Variants in MST1R observed in about 807,000 individuals in gnomAD.
MST1R encodes the protein macrophage-stimulating protein receptor.
MST1R carries 99 observed loss-of-function variants against 117.8 expected under a neutral mutation model. The ratio of observed to expected loss-of-function variants is 0.84; its 90% CI spans 0.71 to 0.99. The LOEUF (loss-of-function observed/expected upper bound fraction) is 0.99. Among genes scored for constraint, MST1R ranks in the 50% least tolerant of loss-of-function variants. The probability of loss-of-function intolerance (pLI) is 0.00; values close to 1 mark genes in which losing one functional copy is unlikely to be tolerated. For synonymous variants in MST1R, 734 were observed against 765.3 expected (o/e 0.96, Z 0.68); for missense variants, 1,683 against 1,840.2 (o/e 0.91, Z 1.56).
intron 1 of MST1R, among the ~76,000 whole-genome samples, chr3:49,902,154 G>A (rs3733135): frequency 0.5 from 75,444 of 151,960 alleles, 19,908 homozygotes; most frequent in African/African-American, 0.64. Flanking sequence ...GAAAGAGCAA[G>A]ATGAGGCAGC....
rs1056029726 is a variant in MST1R, at chr3:49,903,829, A to ACGCCCCAGCCGCCTCACCTGC, written c.-241_-221dup. 2.9e-5 allele frequency: 17 copies of ACGCCCCAGCCGCCTCACCTGC among 586,564 alleles called. No individual in the cohort carries two copies. The highest frequency in any genetic ancestry group is 4.0e-5 in the Non-Finnish European group (14 of 351,208). The allele number at this position is 586,564 out of a possible 1,614,324, so 36.3% of individuals were successfully genotyped here. Reference sequence around the variant, plus strand: ...TGACGCCTGCGGACGCACGACAGCAACGCCCCAGCCGCCTCACCTGCCGCC... The same window carrying ACGCCCCAGCCGCCTCACCTGC: ...TGACGCCTGCGGACGCACGACAGCAACGCCCCAGCCGCCTCACCTGCCGCCCCAGCCGCCTCACCTGCCGCC... On this transcript the variant is annotated 5_prime_UTR_variant, in exon 1 of 20. Coordinates refer to ENST00000296474, the MANE Select transcript of MST1R (RefSeq NM_002447.4).
rs1356731794 is a variant in MST1R at position 49,903,000 on chromosome 3, C to G, written c.610G>C (p.Asp204His). Reference sequence around the variant, plus strand: ...CTGAAGCTGGCAGCCACGGCTGCGTCCAGTGAGGATGCCACGTAGAAATAG... The same window carrying G: ...CTGAAGCTGGCAGCCACGGCTGCGTGCAGTGAGGATGCCACGTAGAAATAG... ...ASYFYVASSL[D>H]AAVAASFSPR... Residue 204 changes from aspartate to histidine, a missense_variant, in exon 1 of 20, where the codon GAC becomes CAC. Physicochemically the swap from Asp to His is moderately conservative, Grantham distance 81. Transcript: ENST00000296474. The G allele has an allele frequency of 1.2e-6, 2 of 1,613,082 alleles. No homozygotes were observed. Among genetic ancestry groups the G allele is most frequent in the Non-Finnish European group, 1.7e-6 (2 of 1,180,034 alleles).
chr3:49,902,576 A>G lies in MST1R; in HGVS notation c.1034T>C (p.Val345Ala), dbSNP rs1559484132. The G allele has an allele frequency of 6.2e-7, 1 of 1,613,770 alleles. No homozygotes were observed. Among genetic ancestry groups the G allele is most frequent in the Non-Finnish European group, 8.5e-7 (1 of 1,180,020 alleles). ...GCCAGTCACAAAGACCCCAAATAGT[A>G]CTTCCTGGCCCTCGGCGATGCTCAG... ...TELSIAEGQE[V>A]LFGVFVTGKD... Residue 345 changes from valine to alanine, a missense_variant, in exon 1 of 20, where the codon GTA becomes GCA. Coordinates refer to ENST00000296474, the MANE Select transcript of MST1R (RefSeq NM_002447.4).
At chr3:49,891,934 A>G (rs2082328214) in intron 14 of MST1R, 96 bp from the exon 15 acceptor site, 1 of 880,502 alleles carries the variant, frequency 1.1e-6, no homozygotes, top group Admixed American at 2.2e-5. Flanking sequence ...AGAGCACTAA[A>G]CTGGCCAATC....
intron 19 of MST1R, among the ~76,000 whole-genome samples, chr3:49,889,423 C>T (rs2082249631): frequency 6.6e-6 from 1 of 152,166 alleles, no homozygotes. Flanking sequence ...AGCCACAGCT[C>T]AGGCACACCT....
At chr3:49,899,686 C>T (rs549921321) in intron 1 of MST1R, among the ~76,000 whole-genome samples, 7 of 148,318 alleles carry the variant, frequency 4.7e-5, no homozygotes, top group African/African-American at 1.7e-4. Flanking sequence ...ATTCTCCTGC[C>T]TCAGCCTCCC....
chr3:49,893,905 A>T lies in MST1R; in HGVS notation c.3271+1262T>A, dbSNP rs9815929. ...AAGAGTGAGACTCCCTCTCAAAAAA[A>T]AAAAAAAAATAAAATAAAATAAAAT... On this transcript the variant is annotated intron_variant, in intron 14 of 19. Coordinates refer to ENST00000296474, the MANE Select transcript of MST1R (RefSeq NM_002447.4). 6.4e-3 allele frequency among the ~76,000 whole-genome samples: 954 copies of T among 148,706 alleles called. 6 individuals carry two copies. Among genetic ancestry groups the T allele is most frequent in the African/African-American group, 0.013 (543 of 40,486 alleles).
Position 49,903,185 on chromosome 3 carries a change from C to T in MST1R, c.425G>A (p.Arg142His), listed in dbSNP as rs759008251. ...LVSCGSSLQG[R>H]CFLHDLEPQG... ...GGGCTCTAGGTCATGCAGGAAGCAG[C>T]GGCCCTGCAGGCTGGAGCCACAACT... Residue 142 changes from arginine (R) to histidine (H), a missense_variant, in exon 1 of 20, where the codon CGC becomes CAC. Transcript: ENST00000296474. 23 of 1,605,340 alleles carry T rather than the reference C, an allele frequency of 1.4e-5. 1 individual carries two copies. The Middle Eastern group carries it at 4.9e-4, about 35-fold the overall frequency.
chr3:49,899,694 C>A (rs1249703101), intron 1 of MST1R, among the ~76,000 whole-genome samples: 1 of 151,098 alleles, frequency 6.6e-6, no homozygotes, highest in Non-Finnish European at 1.5e-5. Flanking sequence ...GCCTCAGCCT[C>A]CCGAGTAGCT....
At chr3:49,888,851 A>C (rs1026480664) in intron 19 of MST1R, among the ~76,000 whole-genome samples, 1 of 152,220 alleles carries the variant, frequency 6.6e-6, no homozygotes, top group Admixed American at 6.5e-5. Flanking sequence ...AGAGAGGAGA[A>C]GGGCTGGACT....
rs533003233 is a variant in MST1R, at chr3:49,896,188, C to T, written c.2649+7G>A. ...CAACTGTCCCTGCCCCTATCCCTTA[C>T]ACTTACCTCAAACTTAATGGCATGC... On this transcript the variant is annotated splice_region_variant and intron_variant, in intron 10 of 19. Coordinates refer to ENST00000296474, the MANE Select transcript of MST1R (RefSeq NM_002447.4). 1 of 1,614,204 alleles carries T rather than the reference C, an allele frequency of 6.2e-7. No homozygotes were observed. The highest frequency in any genetic ancestry group is 8.5e-7 in the Non-Finnish European group (1 of 1,180,038).
chr3:49,887,577 G>T lies in MST1R; in HGVS notation c.3948-15C>A. 1 of 1,612,214 alleles carries T rather than the reference G, an allele frequency of 6.2e-7. No homozygotes were observed. The highest frequency in any genetic ancestry group is 1.1e-5 in the South Asian group (1 of 90,838). On this transcript the variant is annotated splice_polypyrimidine_tract_variant and intron_variant, in intron 19 of 19. Transcript: ENST00000296474. ...TCACTTGGTACCTGTTGGGGGAAAGGGATGTCAGGTTAAGGCAATTTCCAC... is the reference window on the plus strand; with the variant it reads ...TCACTTGGTACCTGTTGGGGGAAAGTGATGTCAGGTTAAGGCAATTTCCAC...
chr3:49,888,051 T>C (rs1405041447), intron 19 of MST1R, among the ~76,000 whole-genome samples: 1 of 152,218 alleles, frequency 6.6e-6, no homozygotes, highest in Non-Finnish European at 1.5e-5. Context: ...CCCAGCACTT[T>C]GGGAGGCTGA....
Position 49,895,385 on chromosome 3 carries a change from G to A in MST1R, c.3065-12C>T, listed in dbSNP as rs773450077. 17 of 1,614,102 alleles carry A rather than the reference G, an allele frequency of 1.1e-5. No individual in the cohort carries two copies. The South Asian group carries it at 1.6e-4, about 16-fold the overall frequency. ...AATGGCAGGGAGTGCTGTGGGGAGA[G>A]GGAATGAGGAGCTTGTAGGGACAGG... On this transcript the variant is annotated splice_polypyrimidine_tract_variant and intron_variant, in intron 13 of 19. Transcript: ENST00000296474.
chr3:49,900,075 A>C (rs2082624762), intron 1 of MST1R, among the ~76,000 whole-genome samples: 1 of 152,134 alleles, frequency 6.6e-6, no homozygotes, highest in African/African-American at 2.4e-5. Context: ...CCCCACTTGC[A>C]TAAGGGGCTG....
rs375137952 is a variant in MST1R, at chr3:49,903,475, C to G, written c.135G>C (p.Val45=). 1 of 1,612,748 alleles carries G rather than the reference C, an allele frequency of 6.2e-7. No individual in the cohort carries two copies. Among genetic ancestry groups the G allele is most frequent in the African/African-American group, 1.3e-5 (1 of 74,956 alleles). The change falls in exon 1 of 20, where the codon GTG becomes GTC. Residue 45 remains valine (V), a synonymous_variant. Transcript: ENST00000296474. The stretch of plus-strand genomic sequence containing the variant: ...GGCCTCCGGCGGAGAAGCTGGGCAC[C>G]ACGTACTTCACGTCAAAGTCGCGAG... ...AASRDFDVKY[V]VPSFSAGGLV... is the part of the protein sequence containing the mutation.
intron 19 of MST1R, 71 bp downstream of exon 19, chr3:49,889,853 A>G: frequency 1.3e-6 from 2 of 1,576,214 alleles, no homozygotes; most frequent in Non-Finnish European, 1.7e-6. Context: ...GCCAGGCAGG[A>G]GCTCTGTCTC....
rs1288679566 is a variant in MST1R at position 49,897,701 on chromosome 3, A to C, written c.1881-16T>G. 2 of 1,603,110 alleles carry C rather than the reference A, an allele frequency of 1.2e-6. No homozygotes were observed. Among genetic ancestry groups the C allele is most frequent in the Non-Finnish European group, 1.7e-6 (2 of 1,174,648 alleles). ...GGGCACTGGTCTGGGGCACCAGGGG[A>C]ACCCCTGAGGTCAGCCAGGAATTAC... On this transcript the variant is annotated splice_polypyrimidine_tract_variant and intron_variant, in intron 5 of 19. Coordinates refer to ENST00000296474, the MANE Select transcript of MST1R (RefSeq NM_002447.4).
chr3:49,902,228 A>G (rs1338676961), intron 1 of MST1R, 152 bp downstream of exon 1: 1 of 1,160,028 alleles, frequency 8.6e-7, no homozygotes, highest in Non-Finnish European at 1.2e-6. Context: ...TTCTCACACC[A>G]CCCCAGCACT....
Sources: allele counts gnomAD v4.1 joint callset (sites outside exome capture counted in the v4.1 genomes callset), GRCh38; gene constraint gnomAD v4.1.1; transcripts MANE v1.5; gene names NCBI Gene and HGNC (gene_info 2026-07-23, HGNC 2026-07-21).